SH3BGRL2: variants seen among roughly 807,000 people sequenced by gnomAD.
SH3BGRL2 encodes SH3 domain binding glutamate rich protein like 2.
SH3BGRL2 carries 21 observed loss-of-function variants against 14.8 expected under a neutral mutation model. That is an observed-to-expected ratio of 1.42 (90% CI 1.01 to 2.05). The LOEUF (loss-of-function observed/expected upper bound fraction) is 2.05. Ranked by LOEUF, SH3BGRL2 falls within the 30% of genes most tolerant of loss-of-function variation. The pLI, the probability that SH3BGRL2 is intolerant of heterozygous loss-of-function variation, is 0.00. For synonymous variants in SH3BGRL2, 50 were observed against 47.8 expected, an observed-to-expected ratio of 1.05 and a Z score of -0.19; for missense variants, 147 against 130.8, an observed-to-expected ratio of 1.12 and a Z score of -0.61.
chr6:79,653,284 A>G (rs1294415263), intron 1 of SH3BGRL2, among the ~76,000 whole-genome samples: 1 of 152,220 alleles, frequency 6.6e-6, no homozygotes. Context: ...TCACCTTAAC[A>G]TAAAATTGGG....
At chr6:79,616,947 G>A in the SH3BGRL2 span, among the ~76,000 whole-genome samples, 1 of 152,172 alleles carries the variant, frequency 6.6e-6, no homozygotes, top group Non-Finnish European at 1.5e-5. Flanking sequence ...CAGCATTTTG[G>A]GAGGCCAAGG....
At chr6:79,674,691 C>T (rs954516167) in intron 2 of SH3BGRL2, among the ~76,000 whole-genome samples, 4 of 152,106 alleles carry the variant, frequency 2.6e-5, no homozygotes, top group East Asian at 1.9e-4. Flanking sequence ...CCCCCACGTG[C>T]GTAATGGAGA....
At chr6:79,683,914 A>T (rs555100459) in intron 2 of SH3BGRL2, among the ~76,000 whole-genome samples, 15 of 152,336 alleles carry the variant, frequency 9.8e-5, no homozygotes, top group African/African-American at 3.6e-4. Context: ...GTCACCTGGT[A>T]GAATGGAGTA....
At chr6:79,581,309 T>A in the SH3BGRL2 span, among the ~76,000 whole-genome samples, 5 of 152,148 alleles carry the variant, frequency 3.3e-5, no homozygotes, top group African/African-American at 1.2e-4. Context: ...ATCATCCTGA[T>A]ACCAAAGCCC....
At chr6:79,648,634 C>T (rs570794922) in intron 1 of SH3BGRL2, among the ~76,000 whole-genome samples, 14 of 152,000 alleles carry the variant, frequency 9.2e-5, no homozygotes, top group Non-Finnish European at 1.2e-4. Context: ...TAGTTCTTCA[C>T]GGTTAGGGAC....
At chr6:79,589,578 T>C in the SH3BGRL2 span, among the ~76,000 whole-genome samples, 1 of 152,138 alleles carries the variant, frequency 6.6e-6, no homozygotes, top group African/African-American at 2.4e-5. Context: ...AATAGGTTCA[T>C]TTAAATATAT....
At chr6:79,584,225 T>C in the SH3BGRL2 span, among the ~76,000 whole-genome samples, 1 of 152,184 alleles carries the variant, frequency 6.6e-6, no homozygotes, top group Non-Finnish European at 1.5e-5. Context: ...TTTTAAAATA[T>C]TGCTGTAGAG....
intron 1 of SH3BGRL2, among the ~76,000 whole-genome samples, chr6:79,654,309 T>C (rs953302784): frequency 6.6e-6 from 1 of 152,174 alleles, no homozygotes; most frequent in Non-Finnish European, 1.5e-5. Flanking sequence ...CTGTGATTTA[T>C]TTTTGCTAAA....
intron 1 of SH3BGRL2, among the ~76,000 whole-genome samples, chr6:79,649,650 T>G: frequency 6.6e-6 from 1 of 152,178 alleles, no homozygotes; most frequent in Non-Finnish European, 1.5e-5. Context: ...TTTATGTTTC[T>G]GCTGCTGTGC....
At chr6:79,650,198 G>A (rs1166213039) in intron 1 of SH3BGRL2, among the ~76,000 whole-genome samples, 1 of 152,094 alleles carries the variant, frequency 6.6e-6, no homozygotes. Context: ...TGAGGGAAGG[G>A]CAAGTGCCTG....
chr6:79,676,714 T>C (rs1769893124), intron 2 of SH3BGRL2, among the ~76,000 whole-genome samples: 1 of 151,880 alleles, frequency 6.6e-6, no homozygotes, highest in Non-Finnish European at 1.5e-5. Flanking sequence ...AGAGACGTCT[T>C]TGTTCTATCA....
At chr6:79,623,136 T>C in the SH3BGRL2 span, among the ~76,000 whole-genome samples, 6 of 152,060 alleles carry the variant, frequency 3.9e-5, no homozygotes, top group Non-Finnish European at 5.9e-5. Flanking sequence ...TGAAACCTTG[T>C]CTTTACTAAA....
At chr6:79,655,339 A>G (rs1487732293) in intron 1 of SH3BGRL2, among the ~76,000 whole-genome samples, 1 of 152,164 alleles carries the variant, frequency 6.6e-6, no homozygotes, top group East Asian at 1.9e-4. Flanking sequence ...GGGAGACTGC[A>G]TAGGGTTAGT....
At chr6:79,695,801 A>G (rs1225013333) in intron 2 of SH3BGRL2, among the ~76,000 whole-genome samples, 1 of 152,230 alleles carries the variant, frequency 6.6e-6, no homozygotes, top group East Asian at 1.9e-4. Flanking sequence ...AAATTTTAAG[A>G]CTGCTTTACA....
intron 1 of SH3BGRL2, among the ~76,000 whole-genome samples, chr6:79,638,196 G>A (rs1019253357): frequency 8.5e-5 from 13 of 152,064 alleles, no homozygotes; most frequent in Admixed American, 7.9e-4. Context: ...TCCTCCTATC[G>A]AGTTGAGAAC....
At chr6:79,667,782 G>A (rs868007813) in intron 1 of SH3BGRL2, among the ~76,000 whole-genome samples, 32 of 152,022 alleles carry the variant, frequency 2.1e-4, no homozygotes, top group African/African-American at 6.5e-4. Flanking sequence ...TATTTCACAG[G>A]TTTGGAAATG....
intron 3 of SH3BGRL2, among the ~76,000 whole-genome samples, chr6:79,697,698 C>T (rs932150236): frequency 2.6e-5 from 4 of 152,238 alleles, no homozygotes; most frequent in African/African-American, 4.8e-5. Flanking sequence ...GTTCTTAAAA[C>T]TGCTTTTATA....
intron 3 of SH3BGRL2, 135 bp from the exon 4 acceptor site, chr6:79,699,363 C>G: frequency 9.6e-7 from 1 of 1,037,724 alleles, no homozygotes; most frequent in East Asian, 2.7e-5. Context: ...TTATCAATCA[C>G]ATGGAGGTGA....
At chr6:79,675,895 G>A (rs960236760) in intron 2 of SH3BGRL2, among the ~76,000 whole-genome samples, 3 of 151,698 alleles carry the variant, frequency 2.0e-5, no homozygotes, top group African/African-American at 7.3e-5. Context: ...GGTGGGGTGG[G>A]CTTTCCTTAT....
Sources: allele counts gnomAD v4.1 joint callset (sites outside exome capture counted in the v4.1 genomes callset), GRCh38; gene constraint gnomAD v4.1.1; transcripts MANE v1.5; gene names NCBI Gene and HGNC (gene_info 2026-07-23, HGNC 2026-07-21).